HTT: variants seen among roughly 807,000 people sequenced by gnomAD.
HTT encodes the protein huntington disease protein.
HTT carries 104 observed loss-of-function variants against 362.3 expected under a neutral mutation model. The observed-to-expected ratio is 0.29, with a 90% confidence interval of 0.24 to 0.34. HTT has a LOEUF of 0.34. Among genes scored for constraint, HTT ranks in the 10% least tolerant of loss-of-function variants. HTT has a pLI of 1.00. For missense variants in HTT, 3,301 were observed against 3,928.6 expected (o/e 0.84, Z 4.27); for synonymous variants, 1,577 against 1,548.7 (o/e 1.02, Z -0.43).
rs546814369 is a variant in HTT at position 3,173,107 on chromosome 4, C to T, written c.4142C>T (p.Ala1381Val). 28 of 1,613,900 alleles carry T rather than the reference C, an allele frequency of 1.7e-5. No homozygotes were observed. The highest frequency in any genetic ancestry group is 8.0e-5 in the African/African-American group (6 of 75,034). Reference sequence around the variant, plus strand: ...GCCAGCCTGAGGAACATGGTGCAGGCGGAGCAGGAGAACGACACCTCGGGG... The same window carrying T: ...GCCAGCCTGAGGAACATGGTGCAGGTGGAGCAGGAGAACGACACCTCGGGG... Reference protein sequence around the residue: ...ADASLRNMVQAEQENDTSGWF... With the variant: ...ADASLRNMVQVEQENDTSGWF... Residue 1381 changes from alanine (A) to valine (V), a missense_variant, in exon 31 of 67, where the codon GCG becomes GTG. Coordinates refer to ENST00000355072, the MANE Select transcript of HTT (RefSeq NM_001388492.1).
In HTT at chr4:3,212,021, T is replaced by C. The variant is rs1383904892; in HGVS notation, c.6507T>C (p.Arg2169=). ...GQKSALFEAA[R]EVTLARVSGT... Reference sequence around the variant, plus strand: ...AGAGTGCCCTTTTTGAAGCAGCCCGTGAGGTGACTCTGGCCCGTGTGAGCG... The same window carrying C: ...AGAGTGCCCTTTTTGAAGCAGCCCGCGAGGTGACTCTGGCCCGTGTGAGCG... Residue 2169 remains arginine (R), a synonymous_variant, in exon 48 of 67, where the codon CGT becomes CGC. Coordinates refer to ENST00000355072, the MANE Select transcript of HTT (RefSeq NM_001388492.1). 1 of 1,614,158 alleles carries C rather than the reference T, an allele frequency of 6.2e-7. No individual in the cohort carries two copies. The highest frequency in any genetic ancestry group is 2.2e-5 in the East Asian group (1 of 44,890).
chr4:3,136,366 A>T, intron 21 of HTT, 40 bp downstream of exon 21: 1 of 1,065,376 alleles, frequency 9.4e-7, no homozygotes, highest in Non-Finnish European at 1.4e-6. Context: ...TTTTTGGTTG[A>T]AGTACTAAAA....
At chr4:3,169,003 A>ATTCTTTCTTTCTTTCTTTCT (rs113879546) in intron 29 of HTT, among the ~76,000 whole-genome samples, 137 of 143,564 alleles carry the variant, frequency 9.5e-4, no homozygotes, top group African/African-American at 3.2e-3. Flanking sequence ...ATTTTAGGCC[A>ATTCTTTCTTTCTTTCTTTCT]TTCTTTCTTT....
intron 50 of HTT, 45 bp downstream of exon 50, chr4:3,214,180 T>C (rs1047357632): frequency 2.1e-5 from 28 of 1,356,414 alleles, no homozygotes; most frequent in Non-Finnish European, 2.6e-5. Context: ...ATAGTTCCTG[T>C]CTGCTTCACC....
At chr4:3,186,490 C>A in intron 37 of HTT, 107 bp from the exon 38 acceptor site, 1 of 1,248,168 alleles carries the variant, frequency 8.0e-7, no homozygotes, top group Non-Finnish European at 1.1e-6. Flanking sequence ...GGGAAGGTGA[C>A]GATGAGATGA....
At chr4:3,225,813 C>CA (rs1316567733) in intron 57 of HTT, 70 bp downstream of exon 57, 2 of 1,129,626 alleles carry the variant, frequency 1.8e-6, no homozygotes, top group Admixed American at 4.8e-5. Flanking sequence ...TTGACACACC[C>CA]AGGAGAAAAG....
chr4:3,135,446 G>T (rs73794911), intron 19 of HTT, among the ~76,000 whole-genome samples: 1,691 of 141,906 alleles, frequency 0.012, 36 homozygotes, highest in African/African-American at 0.04. Flanking sequence ...TTTAGGGTTT[G>T]TTTTTTTTTT....
chr4:3,107,104 A>C (rs1369995011), intron 5 of HTT, among the ~76,000 whole-genome samples, 181 bp from the exon 6 acceptor site: 2 of 152,212 alleles, frequency 1.3e-5, no homozygotes, highest in Non-Finnish European at 2.9e-5. Flanking sequence ...GAAATGAAGG[A>C]TGTCTCCCAA....
chr4:3,229,752 C>T (rs749053532), intron 59 of HTT, 135 bp from the exon 60 acceptor site: 11 of 945,274 alleles, frequency 1.2e-5, no homozygotes, highest in African/African-American at 3.2e-5. Context: ...CACACACACA[C>T]GCACACATGC....
intron 2 of HTT, among the ~76,000 whole-genome samples, chr4:3,094,489 G>A (rs559141722): frequency 5.9e-5 from 9 of 151,634 alleles, no homozygotes; most frequent in South Asian, 2.1e-4. Flanking sequence ...CAGATGGGGC[G>A]GCCGGGCAGA....
intron 51 of HTT, among the ~76,000 whole-genome samples, chr4:3,216,694 T>C (rs992923520): frequency 3.3e-5 from 5 of 152,156 alleles, no homozygotes; most frequent in African/African-American, 1.2e-4. Flanking sequence ...GTTTTTTTAA[T>C]CACCTCGATA....
chr4:3,094,451 C>T (rs549051178), intron 2 of HTT, among the ~76,000 whole-genome samples: 51 of 152,132 alleles, frequency 3.4e-4, no homozygotes, highest in Middle Eastern at 3.4e-3. Context: ...GATGGGGTGG[C>T]GGCCGGGCAG....
Position 3,127,416 on chromosome 4 carries a change from A to G in HTT, c.1555A>G (p.Ser519Gly), listed in dbSNP as rs762942925. 6.2e-7 allele frequency: 1 copy of G among 1,614,164 alleles called. No homozygotes were observed. The highest frequency in any genetic ancestry group is 1.1e-5 in the South Asian group (1 of 91,084). Residue 519 changes from serine to glycine, a missense_variant, in exon 12 of 67, where the codon AGC becomes GGC. Transcript: ENST00000355072. ...SVDLASCDLT[S>G]SATDGDEEDI... ...GGATCTGGCCAGCTGTGACTTGACA[A>G]GCTCTGCCACTGATGGGGATGAGGA...
intron 5 of HTT, 37 bp downstream of exon 5, chr4:3,105,473 G>A (rs767059869): frequency 1.6e-5 from 22 of 1,338,322 alleles, no homozygotes; most frequent in South Asian, 1.4e-4. Flanking sequence ...TTTTGTCGGG[G>A]GCCAGCTGCT....
At chr4:3,114,719 CAA>C (rs1176327404) in intron 6 of HTT, among the ~76,000 whole-genome samples, 1 of 152,166 alleles carries the variant, frequency 6.6e-6, no homozygotes, top group Non-Finnish European at 1.5e-5. Flanking sequence ...ATATTTTTAT[CAA>C]GATTTAAATG....
intron 31 of HTT, among the ~76,000 whole-genome samples, chr4:3,174,069 A>G (rs1425831260): frequency 6.6e-6 from 1 of 152,240 alleles, no homozygotes; most frequent in African/African-American, 2.4e-5. Context: ...GCTAATCTGT[A>G]TAGTAGCAAT....
At position 3,224,746 on chromosome 4, in the gene HTT, C is replaced by T. The variant is rs141742779; in HGVS notation, c.7765+615C>T. Among the ~76,000 whole-genome samples, 35 of 152,364 alleles carry T rather than the reference C, an allele frequency of 2.3e-4. No homozygotes were observed. In the East Asian group the frequency reaches 6.7e-3, roughly 29 times the overall value. ...TTCCGTAGCTATTTAGGAGTTTAAG[C>T]ACCTTGAAGGCTTTAATTGCAGAAA... On this transcript the variant is annotated intron_variant, in intron 56 of 66. Transcript: ENST00000355072.
At chr4:3,134,588 A>G in intron 19 of HTT, 48 bp downstream of exon 19, 1 of 1,533,546 alleles carries the variant, frequency 6.5e-7, no homozygotes, top group South Asian at 1.2e-5. Flanking sequence ...CTCAATTGAA[A>G]GTTCTGGGAT....
intron 57 of HTT, among the ~76,000 whole-genome samples, chr4:3,227,759 C>T (rs1720979068): frequency 1.1e-5 from 1 of 87,342 alleles, no homozygotes; most frequent in Non-Finnish European, 2.4e-5. Context: ...GACAGTGCCA[C>T]CCCTGCCCTG....
Sources: gnomAD v4.1 joint callset for allele counts (sites outside exome capture counted in the v4.1 genomes callset) on GRCh38, gnomAD v4.1.1 for gene constraint, MANE v1.5 for transcripts, NCBI Gene and HGNC (gene_info 2026-07-23, HGNC 2026-07-21) for gene names.